Variants in MMP16 observed in about 807,000 individuals in gnomAD.
The protein encoded by MMP16 is matrix metalloproteinase-16.
MMP16 carries 12 observed loss-of-function variants against 67.8 expected under a neutral mutation model. The observed-to-expected ratio is 0.18, with a 90% CI of 0.11 to 0.29. MMP16 has a LOEUF of 0.29. MMP16 is among the 10% of genes least tolerant of loss of function. The pLI, the probability that MMP16 is intolerant of heterozygous loss-of-function variation, is 1.00. For synonymous variants in MMP16, 249 were observed against 255.9 expected (o/e 0.97, Z 0.26); for missense variants, 475 against 765.7 (o/e 0.62, Z 4.48).
chr8:88,148,412 A>T (rs1808331426), intron 4 of MMP16, among the ~76,000 whole-genome samples: 1 of 152,202 alleles, frequency 6.6e-6, no homozygotes, highest in Admixed American at 6.5e-5. Flanking sequence ...TATTTGCATG[A>T]TAGCCACCGG....
rs370145014 is a variant in MMP16 at position 88,171,205 on chromosome 8, TG to T, written c.405-3233del. On this transcript the variant is annotated intron_variant, in intron 3 of 9. Coordinates refer to ENST00000286614, the MANE Select transcript of MMP16 (RefSeq NM_005941.5). The stretch of plus-strand genomic sequence containing the variant: ...CGCTGTGTTTTTCAAAGCTATGTAC[TG>T]ATTAGCTTCCAGATATGCTTAACTA... Among the ~76,000 whole-genome samples the T allele has an allele frequency of 2.8e-3, 428 of 152,334 alleles. 2 individuals carry two copies. Among genetic ancestry groups the T allele is most frequent in the African/African-American group, 9.5e-3 (397 of 41,582 alleles).
chr8:88,237,004 T>C (rs1049237261), intron 1 of MMP16, among the ~76,000 whole-genome samples: 3 of 152,208 alleles, frequency 2.0e-5, no homozygotes, highest in African/African-American at 7.2e-5. Flanking sequence ...GGCGAGGTTA[T>C]AAATATCGCT....
rs552385269 is a variant in MMP16 at position 88,172,335 on chromosome 8, AAAAT to A, written c.405-4366_405-4363del. Among the ~76,000 whole-genome samples, 1,153 of 152,308 alleles carry A rather than the reference AAAAT, an allele frequency of 7.6e-3. 5 individuals are homozygous for A. The highest frequency in any genetic ancestry group is 0.013 in the Non-Finnish European group (858 of 68,018). On this transcript the variant is annotated intron_variant, in intron 3 of 9. Coordinates refer to ENST00000286614, the MANE Select transcript of MMP16 (RefSeq NM_005941.5). ...CTGACAACACATTTTATGTAGTAAA[AAAAT>A]AAATAAATACAAGATATACAAGTAT...
At chr8:88,325,127 A>G (rs1398935706) in intron 1 of MMP16, among the ~76,000 whole-genome samples, 2 of 152,220 alleles carry the variant, frequency 1.3e-5, no homozygotes, top group African/African-American at 2.4e-5. Context: ...TATTTTCTCC[A>G]TAAACCATTT....
intron 4 of MMP16, among the ~76,000 whole-genome samples, chr8:88,153,061 T>C (rs1808436494): frequency 7.5e-6 from 1 of 132,608 alleles, no homozygotes; most frequent in East Asian, 2.1e-4. Flanking sequence ...AGCATTCTTA[T>C]ACACCAGCAA....
At chr8:88,225,330 C>A (rs543271349) in intron 1 of MMP16, among the ~76,000 whole-genome samples, 4 of 152,048 alleles carry the variant, frequency 2.6e-5, no homozygotes, top group Admixed American at 2.6e-4. Flanking sequence ...CTGTGTTTGT[C>A]CATGTTCTTC....
rs1029937918 is a variant in MMP16, at chr8:88,107,677, G to T, written c.1083+8830C>A. Among the ~76,000 whole-genome samples, 12 of 151,006 alleles carry T rather than the reference G, an allele frequency of 7.9e-5. No homozygotes were observed. The East Asian group carries it at 2.0e-3, about 25-fold the overall frequency. ...CAATAAAGTTCTAACTTTTATTCAT[G>T]GAAGTTCTGCACATTTCTTTACAAG... is the stretch of plus-strand genomic sequence containing the variant. On this transcript the variant is annotated intron_variant, in intron 6 of 9. Transcript: ENST00000286614.
chr8:88,287,994 T>C (rs1200803055), intron 1 of MMP16, among the ~76,000 whole-genome samples: 1 of 152,168 alleles, frequency 6.6e-6, no homozygotes, highest in Admixed American at 6.5e-5. Context: ...TGAATAAAGA[T>C]ACTCATATAT....
intron 4 of MMP16, among the ~76,000 whole-genome samples, chr8:88,155,688 G>A (rs1419418663): frequency 6.6e-6 from 1 of 151,940 alleles, no homozygotes; most frequent in Non-Finnish European, 1.5e-5. Flanking sequence ...TACTTTCCTA[G>A]AAATGGCTTA....
intron 1 of MMP16, among the ~76,000 whole-genome samples, chr8:88,313,215 T>C (rs1811324051): frequency 1.3e-5 from 2 of 152,196 alleles, no homozygotes; most frequent in Non-Finnish European, 2.9e-5. Context: ...TCTCCAGTTT[T>C]TGGGGGCAGC....
chr8:88,081,052 G>C (rs775423026), intron 6 of MMP16, among the ~76,000 whole-genome samples: 28 of 151,996 alleles, frequency 1.8e-4, no homozygotes, highest in Non-Finnish European at 3.1e-4. Flanking sequence ...TGGTAGCGAG[G>C]CTCATCAGGC....
chr8:88,149,649 T>A (rs1473330822), intron 4 of MMP16, among the ~76,000 whole-genome samples: 1 of 151,240 alleles, frequency 6.6e-6, no homozygotes, highest in African/African-American at 2.4e-5. Flanking sequence ...CAGCTGAGGG[T>A]GCTGTCTGTT....
chr8:88,243,639 C>A (rs1810065541), intron 1 of MMP16, among the ~76,000 whole-genome samples: 1 of 152,132 alleles, frequency 6.6e-6, no homozygotes, highest in Non-Finnish European at 1.5e-5. Flanking sequence ...GATGGCATTG[C>A]ATTAAATACT....
Position 88,038,283 on chromosome 8 carries a change from A to G in MMP16, c.*3178T>C, listed in dbSNP as rs188307648. 1.3e-5 allele frequency: 2 copies of G among 152,076 alleles called. No individual in the cohort carries two copies. The highest frequency in any genetic ancestry group is 2.9e-5 in the Non-Finnish European group (2 of 67,944). The allele number at this position is 152,076 out of a possible 1,614,324, so 9.4% of individuals were successfully genotyped here. A position where few individuals can be genotyped will look rare whatever the true frequency, so the allele number is the denominator to read the frequency against. ...ACTGAAATGTTCTGTTCAAAAGAGC[A>G]GCCTTATATGCCTTTGCTTATCACA... On this transcript the variant is annotated 3_prime_UTR_variant, in exon 10 of 10. Transcript: ENST00000286614. This position sits in a 1 kb window ranked among gnomAD's most constrained non-coding sequence, Gnocchi z 4.1.
intron 1 of MMP16, among the ~76,000 whole-genome samples, chr8:88,263,816 T>C (rs1469060190): frequency 6.6e-6 from 1 of 152,046 alleles, no homozygotes; most frequent in Non-Finnish European, 1.5e-5. Flanking sequence ...GGTTGGGACC[T>C]TGACATACGA....
At chr8:88,187,661 A>C (rs1809096139) in intron 2 of MMP16, among the ~76,000 whole-genome samples, 1 of 152,196 alleles carries the variant, frequency 6.6e-6, no homozygotes, top group Admixed American at 6.5e-5. Context: ...CATGTGAAGT[A>C]ATTTACATGT....
At position 88,164,394 on chromosome 8, in the gene MMP16, C is replaced by T. The variant is rs76199989; in HGVS notation, c.709+3275G>A. Among the ~76,000 whole-genome samples the T allele has an allele frequency of 5.7e-3, 868 of 152,046 alleles. 10 individuals are homozygous for T. Among genetic ancestry groups the T allele is most frequent in the African/African-American group, 0.02 (820 of 41,514 alleles). ...AAATAGTTTCACACATAGTTAGAAT[C>T]GAGGATGTACAAATGAATTAATTCT... On this transcript the variant is annotated intron_variant, in intron 4 of 9. Coordinates refer to ENST00000286614, the MANE Select transcript of MMP16 (RefSeq NM_005941.5).
rs1809381595 is a variant in MMP16 at position 88,203,779 on chromosome 8, A to C, written c.133-6473T>G. Among the ~76,000 whole-genome samples the C allele has an allele frequency of 2.0e-5, 3 of 152,220 alleles. No homozygotes were observed. In the South Asian group the frequency reaches 6.2e-4, roughly 31 times the overall value. ...GTTGTTTCATAGCAAGGTACTTATAAGTTGTCAAACTTAAATGAGTTATGT... is the reference window on the plus strand; with the variant it reads ...GTTGTTTCATAGCAAGGTACTTATACGTTGTCAAACTTAAATGAGTTATGT... On this transcript the variant is annotated intron_variant, in intron 1 of 9. Coordinates refer to ENST00000286614, the MANE Select transcript of MMP16 (RefSeq NM_005941.5).
chr8:88,300,056 C>G (rs962532541), intron 1 of MMP16, among the ~76,000 whole-genome samples: 6 of 152,198 alleles, frequency 3.9e-5, no homozygotes, highest in Admixed American at 1.3e-4. Context: ...GAAACATACA[C>G]ATTAAAAAGG....
Sources: allele counts gnomAD v4.1 joint callset (sites outside exome capture counted in the v4.1 genomes callset), GRCh38; gene constraint gnomAD v4.1.1; non-coding constraint Gnocchi (gnomAD v3.1); transcripts MANE v1.5; gene names NCBI Gene and HGNC (gene_info 2026-07-23, HGNC 2026-07-21).